The following RGS3 variants were observed in gnomAD, a reference collection of about 807,000 sequenced individuals.
RGS3 encodes regulator of G protein signaling 3, also known as regulator of G-protein signalling 3.
Under a neutral mutation model 132.6 loss-of-function variants are expected in RGS3, and 80 were observed. That is an observed-to-expected ratio of 0.60 (90% CI 0.50 to 0.73). The LOEUF (loss-of-function observed/expected upper bound fraction) is 0.73. Among genes scored for constraint, RGS3 ranks in the 30% least tolerant of loss-of-function variants. The probability of loss-of-function intolerance (pLI) is 0.00; values close to 1 mark genes in which losing one functional copy is unlikely to be tolerated. For missense variants in RGS3, 1,382 were observed against 1,530.8 expected, an observed-to-expected ratio of 0.90 and a Z score of 1.62; for synonymous variants, 598 against 620.6, an observed-to-expected ratio of 0.96 and a Z score of 0.54.
At chr9:113,489,376 A>C (rs1830436070) in intron 7 of RGS3, among the ~76,000 whole-genome samples, 1 of 152,242 alleles carries the variant, frequency 6.6e-6, no homozygotes, top group Non-Finnish European at 1.5e-5. Context: ...AAATGCAGGC[A>C]AGCTGACGCC....
intron 19 of RGS3, chr9:113,580,723 C>T: frequency 1.1e-6 from 1 of 881,284 alleles, no homozygotes; most frequent in Non-Finnish European, 1.4e-6. Flanking sequence ...AGTGGCACTT[C>T]CCCTCCTGGC....
At chr9:113,489,953 C>G (rs1221299335) in intron 7 of RGS3, among the ~76,000 whole-genome samples, 3 of 152,154 alleles carry the variant, frequency 2.0e-5, no homozygotes, top group Non-Finnish European at 4.4e-5. Flanking sequence ...TGGCTGTGAA[C>G]TTGTGTTAGA....
Position 113,565,375 on chromosome 9 carries a change from A to C in RGS3, c.2038-18075A>C, listed in dbSNP as rs914319912. On this transcript the variant is annotated intron_variant, in intron 19 of 24. Coordinates refer to ENST00000350696, the Ensembl canonical transcript of RGS3. This position sits in a 1 kb window ranked among gnomAD's most constrained non-coding sequence, Gnocchi z 5.7. ...GGCTAGACAGGGTGTGTGTTTGGGA[A>C]AGGCGCTGGAGGAGGAGGAAGAGGA... The C allele has an allele frequency of 1.6e-5, 20 of 1,289,648 alleles. No individual in the cohort carries two copies. The African/African-American group carries it at 3.0e-4, about 20-fold the overall frequency. 79.9% of individuals were successfully genotyped at this position (1,289,648 alleles called of 1,614,324 possible).
chr9:113,491,327 C>G (rs2119256784), intron 7 of RGS3, among the ~76,000 whole-genome samples: 1 of 151,520 alleles, frequency 6.6e-6, no homozygotes, highest in African/African-American at 2.4e-5. Context: ...TCTCAGCTCA[C>G]TGCAAACTCT....
At chr9:113,536,381 A>G in intron 18 of RGS3, 1 of 611,544 alleles carries the variant, frequency 1.6e-6, no homozygotes, top group Non-Finnish European at 2.1e-6. Flanking sequence ...GGGTTCTGTG[A>G]GCCAGGGGAG....
At chr9:113,479,251 C>A in intron 3 of RGS3, 1 of 559,838 alleles carries the variant, frequency 1.8e-6, no homozygotes, top group East Asian at 3.1e-5. Flanking sequence ...AGCTCCCCAT[C>A]ACCAGAGGGG....
At chr9:113,583,354 C>T (rs1489093997) in intron 19 of RGS3, 96 bp from the exon 18 acceptor site, 10 of 1,496,362 alleles carry the variant, frequency 6.7e-6, no homozygotes, top group Non-Finnish European at 8.0e-6. Flanking sequence ...GCCCGGGGTT[C>T]AGGCCACTGC....
Position 113,507,600 on chromosome 9 carries a change from A to T in RGS3, c.1399A>T (p.Asn467Tyr). ...CCGTGCCACTGCCCCCACCGACCCC[A>T]ACTACATCATCCTGGCCCCGCTGAA... The change falls in exon 13 of 25, where the codon AAC becomes TAC. Residue 467 changes from asparagine to tyrosine, a missense_variant. By Grantham distance (143) the Asn-to-Tyr change is moderately radical. Coordinates refer to ENST00000350696, the Ensembl canonical transcript of RGS3. The surrounding 1 kb of genome is among the most constrained non-coding windows in gnomAD (Gnocchi z 5.0). 1 of 1,503,992 alleles carries T rather than the reference A, an allele frequency of 6.6e-7. No homozygotes were observed. Among genetic ancestry groups the T allele is most frequent in the Non-Finnish European group, 8.9e-7 (1 of 1,123,210 alleles). 93.2% of individuals were successfully genotyped at this position (1,503,992 alleles called of 1,614,324 possible). A position where few individuals can be genotyped will look rare whatever the true frequency, so the allele number is the denominator to read the frequency against.
chr9:113,567,429 C>T (rs775734924), intron 19 of RGS3, among the ~76,000 whole-genome samples: 6 of 152,258 alleles, frequency 3.9e-5, no homozygotes, highest in African/African-American at 7.2e-5. Context: ...TGGAGAGGGG[C>T]GTTGCATTGT....
At chr9:113,486,965 G>T (rs1049641990) in intron 7 of RGS3, among the ~76,000 whole-genome samples, 2 of 152,148 alleles carry the variant, frequency 1.3e-5, no homozygotes, top group Non-Finnish European at 2.9e-5. Flanking sequence ...TAGGGTCAAA[G>T]ACTTTCCTAT....
intron 3 of RGS3, among the ~76,000 whole-genome samples, chr9:113,472,392 G>A (rs897374559): frequency 6.6e-6 from 1 of 152,248 alleles, no homozygotes; most frequent in Non-Finnish European, 1.5e-5. Context: ...CCAGATGAGT[G>A]GATAAACAAA....
chr9:113,521,723 A>G (rs548923504), intron 16 of RGS3, among the ~76,000 whole-genome samples: 1 of 152,318 alleles, frequency 6.6e-6, no homozygotes, highest in African/African-American at 2.4e-5. Context: ...GTTCATATTT[A>G]TACCTCCTTG....
intron 1 of RGS3, among the ~76,000 whole-genome samples, chr9:113,452,702 C>G (rs549686431): frequency 1.3e-4 from 19 of 151,378 alleles, no homozygotes; most frequent in African/African-American, 4.6e-4. Context: ...TGTTCCATAG[C>G]TCACTGATGA....
intron 19 of RGS3, among the ~76,000 whole-genome samples, chr9:113,574,993 G>A (rs1429097893): frequency 1.3e-5 from 2 of 152,188 alleles, no homozygotes; most frequent in Non-Finnish European, 2.9e-5. Context: ...TGGTGGGTGG[G>A]GACAAAGACT....
At chr9:113,531,477 A>G (rs1204468693) in intron 18 of RGS3, among the ~76,000 whole-genome samples, 1 of 152,194 alleles carries the variant, frequency 6.6e-6, no homozygotes, top group Admixed American at 6.5e-5. Context: ...TAAGACTTGC[A>G]TCCAAAGCAC....
chr9:113,525,828 ATGTT>A (rs907825873), intron 17 of RGS3, among the ~76,000 whole-genome samples: 5 of 152,270 alleles, frequency 3.3e-5, no homozygotes, highest in Non-Finnish European at 7.4e-5. Context: ...TGCCTAATCA[ATGTT>A]TGTTGTGTGA....
At chr9:113,488,668 C>T (rs111616661) in intron 7 of RGS3, among the ~76,000 whole-genome samples, 6,004 of 152,266 alleles carry the variant, frequency 0.039, 163 homozygotes, top group South Asian at 0.1. Context: ...AGTGTCTCCA[C>T]GTGTTGCCTA....
chr9:113,516,074 A>C (rs1831643695), intron 15 of RGS3, among the ~76,000 whole-genome samples: 1 of 152,244 alleles, frequency 6.6e-6, no homozygotes, highest in Admixed American at 6.5e-5. Flanking sequence ...GCTTTGCAGG[A>C]AGATTCTAAT....
Position 113,591,394 on chromosome 9 carries a change from A to G in RGS3, c.3077A>G (p.Asn1026Ser), listed in dbSNP as rs748834164. The change falls in exon 21 of 25, where the codon AAC becomes AGC. Residue 1026 changes from asparagine (N) to serine (S), a missense_variant. By Grantham distance (46) the Asn-to-Ser change is conservative. Transcript: ENST00000350696. This position sits in a 1 kb window ranked among gnomAD's most constrained non-coding sequence, Gnocchi z 4.4. ...GCCTCCCGGAAGAGAAAGAGCAAAA[A>G]CCTGTACGTTGGGAAGATCCCTGGC... is the stretch of plus-strand genomic sequence containing the variant. 7 of 1,613,108 alleles carry G rather than the reference A, an allele frequency of 4.3e-6. No individual in the cohort carries two copies. In the South Asian group the frequency reaches 7.7e-5, roughly 18 times the overall value.
Sources: allele counts gnomAD v4.1 joint callset (sites outside exome capture counted in the v4.1 genomes callset), GRCh38; gene constraint gnomAD v4.1.1; non-coding constraint Gnocchi (gnomAD v3.1); transcripts MANE v1.5; gene names NCBI Gene and HGNC (gene_info 2026-07-23, HGNC 2026-07-21).